The following TMEM135 variants were observed in gnomAD, a reference collection of about 807,000 sequenced individuals.
The protein encoded by TMEM135 is peroxisomal membrane protein 52.
In TMEM135, 30 loss-of-function variants were observed where a neutral mutation model predicts 60.3. That is an observed-to-expected ratio of 0.50 (90% CI 0.37 to 0.68). TMEM135 has a LOEUF of 0.68. Ranked by LOEUF, TMEM135 falls within the 30% of genes least tolerant of loss-of-function variation. TMEM135 has a pLI of 0.00. For synonymous variants in TMEM135, 190 were observed against 186.7 expected (o/e 1.02, Z -0.14); for missense variants, 468 against 548.8 (o/e 0.85, Z 1.47).
rs940122518 is a variant in TMEM135 at position 87,208,552 on chromosome 11, T to C, written c.463-28086T>C. Among the ~76,000 whole-genome samples the C allele has an allele frequency of 2.6e-5, 4 of 152,088 alleles. No individual in the cohort carries two copies. In the South Asian group the frequency reaches 6.2e-4, roughly 24 times the overall value. ...TAAAAAACAACACCTCTAAGAAATATGGGATTAGGTAAAGAGACCAAACCT... is the reference window on the plus strand; with the variant it reads ...TAAAAAACAACACCTCTAAGAAATACGGGATTAGGTAAAGAGACCAAACCT... On this transcript the variant is annotated intron_variant, in intron 5 of 14. Coordinates refer to ENST00000305494, the MANE Select transcript of TMEM135 (RefSeq NM_022918.4).
intron 4 of TMEM135, among the ~76,000 whole-genome samples, chr11:87,098,374 A>G (rs946502439): frequency 7.5e-5 from 11 of 146,474 alleles, no homozygotes; most frequent in Middle Eastern, 3.5e-3. Flanking sequence ...TATTATTTAC[A>G]AGTAAAACCT....
rs1327169601 is a variant in TMEM135 at position 87,327,867 on chromosome 11, AG to A, written c.*6538del. 1 of 454,010 alleles carries A rather than the reference AG, an allele frequency of 2.2e-6. No homozygotes were observed. Among genetic ancestry groups the A allele is most frequent in the African/African-American group, 2.0e-5 (1 of 50,094 alleles). 28.1% of individuals were successfully genotyped at this position (454,010 alleles called of 1,614,324 possible). On this transcript the variant is annotated 3_prime_UTR_variant, in exon 15 of 15. Coordinates refer to ENST00000305494, the MANE Select transcript of TMEM135 (RefSeq NM_022918.4). Reference sequence around the variant, plus strand: ...TTGGAGAAGAGTGTATCCCTGCTGCAGGGGAGAGAGAGAAGCCAATTCTCCT... The same window carrying A: ...TTGGAGAAGAGTGTATCCCTGCTGCAGGGAGAGAGAGAAGCCAATTCTCCT...
At chr11:87,116,171 C>T (rs1305871332) in intron 4 of TMEM135, among the ~76,000 whole-genome samples, 7 of 151,972 alleles carry the variant, frequency 4.6e-5, no homozygotes, top group Non-Finnish European at 8.8e-5. Flanking sequence ...TATTATGTGC[C>T]ATAAGTACAT....
intron 4 of TMEM135, chr11:87,095,783 T>G (rs1857311426): frequency 1.3e-5 from 2 of 152,728 alleles, no homozygotes; most frequent in Non-Finnish European, 2.9e-5. Context: ...GAGACCATCC[T>G]GGCTAACACA....
chr11:87,328,274 T>G lies in TMEM135; in HGVS notation c.*6941T>G, dbSNP rs1942943536. 2 of 454,138 alleles carry G rather than the reference T, an allele frequency of 4.4e-6. No homozygotes were observed. The highest frequency in any genetic ancestry group is 4.4e-6 in the Non-Finnish European group (1 of 226,800). The allele number at this position is 454,138 out of a possible 1,614,324, so 28.1% of individuals were successfully genotyped here. ...CTCTTCTGTGTATGCTAAAATACTGTCAATCTCGTCTTTGAAGGTTTTGCT... is the reference window on the plus strand; with the variant it reads ...CTCTTCTGTGTATGCTAAAATACTGGCAATCTCGTCTTTGAAGGTTTTGCT... On this transcript the variant is annotated 3_prime_UTR_variant, in exon 15 of 15. Coordinates refer to ENST00000305494, the MANE Select transcript of TMEM135 (RefSeq NM_022918.4).
intron 7 of TMEM135, 65 bp from the exon 8 acceptor site, chr11:87,302,231 C>T (rs1942460460): frequency 7.6e-7 from 1 of 1,322,110 alleles, no homozygotes; most frequent in Non-Finnish European, 1.0e-6. Context: ...TAAACAAAGT[C>T]TTTTTTTTTT....
At chr11:87,144,448 C>T (rs1017411104) in intron 4 of TMEM135, among the ~76,000 whole-genome samples, 18 of 152,158 alleles carry the variant, frequency 1.2e-4, no homozygotes, top group African/African-American at 3.9e-4. Flanking sequence ...GGTGGTGTGC[C>T]AGTAATACTT....
intron 1 of TMEM135, among the ~76,000 whole-genome samples, chr11:87,058,344 A>T (rs888271620): frequency 1.1e-4 from 17 of 151,564 alleles, no homozygotes; most frequent in South Asian, 6.3e-4. Flanking sequence ...TATTATTATT[A>T]TTTTTTTGAC....
intron 3 of TMEM135, among the ~76,000 whole-genome samples, chr11:87,090,903 A>G (rs941419370): frequency 2.0e-5 from 3 of 152,080 alleles, no homozygotes; most frequent in African/African-American, 4.8e-5. Flanking sequence ...ATTTAATGAA[A>G]CAATTGTATT....
intron 6 of TMEM135, among the ~76,000 whole-genome samples, chr11:87,294,430 C>T (rs1942315573): frequency 1.3e-5 from 2 of 152,186 alleles, no homozygotes; most frequent in Non-Finnish European, 2.9e-5. Context: ...GTTGCCCAGG[C>T]TGGAGAGCAA....
At chr11:87,274,008 T>TCA in intron 6 of TMEM135, among the ~76,000 whole-genome samples, 1 of 151,490 alleles carries the variant, frequency 6.6e-6, no homozygotes, top group African/African-American at 2.4e-5. Context: ...TTGAGTGTTT[T>TCA]TAAACAAGGA....
At chr11:87,183,496 G>A (rs1177207435) in intron 5 of TMEM135, among the ~76,000 whole-genome samples, 1 of 151,876 alleles carries the variant, frequency 6.6e-6, no homozygotes, top group Non-Finnish European at 1.5e-5. Context: ...AAAGTTAAAG[G>A]TAAGTTAAAT....
chr11:87,078,770 C>T (rs1856924370), intron 3 of TMEM135, among the ~76,000 whole-genome samples: 1 of 146,764 alleles, frequency 6.8e-6, no homozygotes, highest in Non-Finnish European at 1.5e-5. Flanking sequence ...TGTGCCACTA[C>T]ACCTCGCTAA....
At chr11:87,219,208 A>G (rs1591112589) in intron 5 of TMEM135, among the ~76,000 whole-genome samples, 1 of 152,320 alleles carries the variant, frequency 6.6e-6, no homozygotes, top group East Asian at 1.9e-4. Context: ...ATGGTCTACA[A>G]TCATCTGGGT....
intron 6 of TMEM135, among the ~76,000 whole-genome samples, chr11:87,241,956 T>A (rs1175923380): frequency 6.6e-6 from 1 of 152,050 alleles, no homozygotes; most frequent in South Asian, 2.1e-4. Flanking sequence ...CTGCACCCAT[T>A]AACTTGTCGT....
chr11:87,294,334 C>T (rs1405021537), intron 6 of TMEM135, among the ~76,000 whole-genome samples: 2 of 152,164 alleles, frequency 1.3e-5, no homozygotes, highest in African/African-American at 4.8e-5. Context: ...TCCTTTGTGG[C>T]CTTTCCTACA....
intron 1 of TMEM135, among the ~76,000 whole-genome samples, chr11:87,044,861 A>G (rs1024347199): frequency 6.6e-6 from 1 of 151,404 alleles, no homozygotes; most frequent in South Asian, 2.1e-4. Flanking sequence ...ATTGGCCAGG[A>G]TGGTCTCCAT....
intron 1 of TMEM135, among the ~76,000 whole-genome samples, chr11:87,044,249 GT>G (rs769086838): frequency 2.6e-5 from 4 of 152,082 alleles, no homozygotes; most frequent in Non-Finnish European, 5.9e-5. Context: ...AGTCTCATTG[GT>G]TGCTAAAGGC....
chr11:87,229,041 TA>T (rs1234157548), intron 5 of TMEM135, among the ~76,000 whole-genome samples: 1 of 152,176 alleles, frequency 6.6e-6, no homozygotes, highest in Non-Finnish European at 1.5e-5. Flanking sequence ...TGTCATTTCC[TA>T]CAAAGTCTTT....
Sources: allele counts gnomAD v4.1 joint callset (sites outside exome capture counted in the v4.1 genomes callset), GRCh38; gene constraint gnomAD v4.1.1; transcripts MANE v1.5; gene names NCBI Gene and HGNC (gene_info 2026-07-23, HGNC 2026-07-21).